LRMDA: variants seen among roughly 807,000 people sequenced by gnomAD.
The protein encoded by LRMDA is leucine-rich melanocyte differentiation-associated protein.
In LRMDA, 18 loss-of-function variants were observed where a neutral mutation model predicts 29.8. The observed-to-expected ratio is 0.60, with a 90% confidence interval of 0.42 to 0.90. The LOEUF (loss-of-function observed/expected upper bound fraction) is 0.90. Ranked by LOEUF, LRMDA falls within the 40% of genes least tolerant of loss-of-function variation. The pLI is 0.00. For missense variants in LRMDA, 273 were observed against 273.9 expected, an observed-to-expected ratio of 1.00 and a Z score of 0.02; for synonymous variants, 125 against 109.4, an observed-to-expected ratio of 1.14 and a Z score of -0.89.
At chr10:75,896,515 G>A (rs1845584999) in intron 2 of LRMDA, among the ~76,000 whole-genome samples, 1 of 152,174 alleles carries the variant, frequency 6.6e-6, no homozygotes, top group African/African-American at 2.4e-5. Flanking sequence ...ACAGGGGCCT[G>A]TGGCCTGTGG....
At chr10:75,890,498 T>G (rs1380289827) in intron 2 of LRMDA, among the ~76,000 whole-genome samples, 3 of 148,104 alleles carry the variant, frequency 2.0e-5, no homozygotes, top group East Asian at 1.9e-4. Context: ...GCTGGTGATA[T>G]ATGAAGCCGA....
At chr10:76,535,854 T>G (rs1206124795) in intron 6 of LRMDA, 2 of 152,248 alleles carry the variant, frequency 1.3e-5, no homozygotes, top group African/African-American at 4.8e-5. Context: ...CTCGGCTCAC[T>G]GCAACCTCCG....
chr10:75,704,342 G>A (rs1842341943), intron 2 of LRMDA, among the ~76,000 whole-genome samples: 1 of 152,124 alleles, frequency 6.6e-6, no homozygotes, highest in East Asian at 1.9e-4. Context: ...AGTCCTTTAT[G>A]TAGTGATCAT....
chr10:76,142,952 T>A (rs1850233867), intron 5 of LRMDA, among the ~76,000 whole-genome samples: 1 of 150,020 alleles, frequency 6.7e-6, no homozygotes, highest in Admixed American at 6.6e-5. Flanking sequence ...TTTGGTTTTT[T>A]GTCCTTGCGA....
chr10:76,292,788 T>C (rs187163880), intron 5 of LRMDA, among the ~76,000 whole-genome samples: 4 of 151,816 alleles, frequency 2.6e-5, no homozygotes, highest in Admixed American at 2.6e-4. Flanking sequence ...AATTGGCTTG[T>C]AGATTGGACA....
chr10:75,651,182 TTGC>T (rs1324697822), intron 2 of LRMDA, among the ~76,000 whole-genome samples: 1 of 152,160 alleles, frequency 6.6e-6, no homozygotes, highest in Non-Finnish European at 1.5e-5. Context: ...TGCCAAAATG[TTGC>T]TGTATGGCAA....
intron 6 of LRMDA, among the ~76,000 whole-genome samples, chr10:76,416,775 A>T (rs1163025324): frequency 6.6e-6 from 1 of 152,106 alleles, no homozygotes; most frequent in Non-Finnish European, 1.5e-5. Context: ...CTCCTATTCC[A>T]CTTCATCTCC....
intron 6 of LRMDA, among the ~76,000 whole-genome samples, chr10:76,457,405 C>T (rs1842467498): frequency 6.6e-6 from 1 of 152,144 alleles, no homozygotes; most frequent in Admixed American, 6.6e-5. Flanking sequence ...TGCATGTTTC[C>T]AGCTGAGGTT....
intron 2 of LRMDA, among the ~76,000 whole-genome samples, chr10:76,027,043 A>G (rs562727724): frequency 1.3e-5 from 2 of 152,292 alleles, no homozygotes; most frequent in Admixed American, 1.3e-4. Flanking sequence ...TAGGCTGAGG[A>G]CTTTGAAATG....
At chr10:76,190,744 C>T (rs1851230056) in intron 5 of LRMDA, among the ~76,000 whole-genome samples, 1 of 152,182 alleles carries the variant, frequency 6.6e-6, no homozygotes, top group Non-Finnish European at 1.5e-5. Flanking sequence ...GGGTATTTTG[C>T]ACCATGACAA....
chr10:75,856,800 C>G (rs976598012), intron 2 of LRMDA, among the ~76,000 whole-genome samples: 2 of 152,170 alleles, frequency 1.3e-5, no homozygotes, highest in African/African-American at 4.8e-5. Context: ...CTCACTACTC[C>G]TATTCAACAT....
intron 2 of LRMDA, among the ~76,000 whole-genome samples, chr10:75,790,130 C>T (rs569676352): frequency 1.3e-5 from 2 of 152,124 alleles, no homozygotes; most frequent in African/African-American, 4.8e-5. Context: ...TAATCTTGGC[C>T]CTATTGACAT....
intron 6 of LRMDA, among the ~76,000 whole-genome samples, chr10:76,366,050 T>A (rs569925409): frequency 2.6e-5 from 4 of 152,064 alleles, no homozygotes; most frequent in African/African-American, 9.6e-5. Context: ...CAGTTGGCTG[T>A]AAGTATTTGG....
intron 2 of LRMDA, among the ~76,000 whole-genome samples, chr10:75,836,786 T>G (rs899757266): frequency 3.3e-5 from 5 of 152,200 alleles, no homozygotes; most frequent in Non-Finnish European, 7.3e-5. Context: ...TCTCTCCGAA[T>G]GATCTTTTCT....
rs1185516328 is a variant in LRMDA, at chr10:75,431,642, CGCCGCGCTCCCCT to C, written c.-70_-58del. On this transcript the variant is annotated 5_prime_UTR_variant, in exon 1 of 7. Transcript: ENST00000611255. The stretch of plus-strand genomic sequence containing the variant: ...ACTGCCCAGTGCGGAACTGTGCGCC[CGCCGCGCTCCCCT>C]GCCGCGCTCCCCGCTGCTGCCGCCG... The C allele has an allele frequency of 4.5e-4, 531 of 1,168,518 alleles. 2 individuals are homozygous for C. The highest frequency in any genetic ancestry group is 7.3e-4 in the South Asian group (18 of 24,722). 72.4% of individuals were successfully genotyped at this position (1,168,518 alleles called of 1,614,324 possible). A position where few individuals can be genotyped will look rare whatever the true frequency, so the allele number is the denominator to read the frequency against.
At chr10:76,479,951 G>A (rs569116196) in intron 6 of LRMDA, among the ~76,000 whole-genome samples, 1 of 151,912 alleles carries the variant, frequency 6.6e-6, no homozygotes, top group Admixed American at 6.6e-5. Flanking sequence ...TAGGCTCTGT[G>A]GCAAAAACAA....
chr10:75,533,917 A>G (rs1401925188), intron 2 of LRMDA, among the ~76,000 whole-genome samples: 2 of 152,232 alleles, frequency 1.3e-5, no homozygotes, highest in Admixed American at 1.3e-4. Flanking sequence ...GCAACATATG[A>G]GGACTCTATA....
intron 2 of LRMDA, among the ~76,000 whole-genome samples, chr10:75,675,823 C>T (rs1841953600): frequency 6.6e-6 from 1 of 152,046 alleles, no homozygotes; most frequent in South Asian, 2.1e-4. Flanking sequence ...TTTGTATAAG[C>T]CTCCTTGGAT....
intron 2 of LRMDA, chr10:75,782,831 G>A (rs568333039): frequency 7.4e-6 from 11 of 1,481,632 alleles, no homozygotes; most frequent in South Asian, 4.0e-5. Context: ...CAGCGCCGGC[G>A]TGCATGTGTT....
Sources: gnomAD v4.1 joint callset for allele counts (sites outside exome capture counted in the v4.1 genomes callset) on GRCh38, gnomAD v4.1.1 for gene constraint, MANE v1.5 for transcripts, NCBI Gene and HGNC (gene_info 2026-07-23, HGNC 2026-07-21) for gene names.